CAMK2D: variants seen among roughly 807,000 people sequenced by gnomAD.
The protein encoded by CAMK2D is calcium/calmodulin dependent protein kinase II delta, also known as calcium/calmodulin-dependent protein kinase type II subunit delta.
A neutral mutation model predicts 84.0 loss-of-function variants in CAMK2D; 37 were observed. The observed-to-expected ratio is 0.44, with a 90% CI of 0.34 to 0.58. The LOEUF is 0.58. CAMK2D is among the 20% of genes least tolerant of loss of function. The pLI is 0.02. For missense variants in CAMK2D, 448 were observed against 652.5 expected (o/e 0.69, Z 3.41); for synonymous variants, 202 against 212.5 (o/e 0.95, Z 0.43).
chr4:113,596,452 A>C (rs769037091), intron 4 of CAMK2D, among the ~76,000 whole-genome samples: 3 of 152,210 alleles, frequency 2.0e-5, no homozygotes, highest in Non-Finnish European at 4.4e-5. Context: ...CTTTGCTCAG[A>C]TCAATCAGAG....
intron 4 of CAMK2D, among the ~76,000 whole-genome samples, chr4:113,578,368 C>T (rs189986229): frequency 6.6e-6 from 1 of 152,274 alleles, no homozygotes; most frequent in East Asian, 1.9e-4. Flanking sequence ...AGGATTGGGT[C>T]AACTCAGTTG....
intron 16 of CAMK2D, among the ~76,000 whole-genome samples, chr4:113,496,082 T>G (rs2154144918): frequency 6.6e-6 from 1 of 152,318 alleles, no homozygotes; most frequent in Middle Eastern, 3.4e-3. Context: ...AAACTGTGGC[T>G]ACAGCCACAA....
intron 2 of CAMK2D, chr4:113,754,871 T>C: frequency 1.0e-6 from 1 of 984,074 alleles, no homozygotes; most frequent in South Asian, 4.7e-5. Flanking sequence ...TGAAGAGTTG[T>C]GGAGATTCTA....
At chr4:113,721,177 A>T (rs568345082) in intron 2 of CAMK2D, among the ~76,000 whole-genome samples, 3 of 152,300 alleles carry the variant, frequency 2.0e-5, no homozygotes, top group Non-Finnish European at 4.4e-5. Context: ...CATCTGCGGT[A>T]GGCTGTGACA....
chr4:113,464,521 G>A (rs375801129), intron 17 of CAMK2D, among the ~76,000 whole-genome samples: 3 of 152,134 alleles, frequency 2.0e-5, no homozygotes, highest in Non-Finnish European at 2.9e-5. Context: ...TTCAATCTCC[G>A]TTTTGCATTT....
At chr4:113,474,805 C>T (rs2097585957) in intron 16 of CAMK2D, among the ~76,000 whole-genome samples, 1 of 152,008 alleles carries the variant, frequency 6.6e-6, no homozygotes, top group Admixed American at 6.6e-5. Flanking sequence ...TGCCACCACA[C>T]CCAGCTAATT....
At chr4:113,513,678 T>G in intron 11 of CAMK2D, 152 bp downstream of exon 11, 1 of 612,826 alleles carries the variant, frequency 1.6e-6, no homozygotes, top group East Asian at 2.8e-5. Flanking sequence ...GATTCTGGTG[T>G]ATATTCCATT....
At chr4:113,639,421 G>C (rs1040866130) in intron 3 of CAMK2D, among the ~76,000 whole-genome samples, 2 of 152,068 alleles carry the variant, frequency 1.3e-5, no homozygotes, top group Non-Finnish European at 2.9e-5. Flanking sequence ...GGCTTTTTGT[G>C]GGGGGAATAA....
chr4:113,594,492 A>C (rs1370307711), intron 4 of CAMK2D, among the ~76,000 whole-genome samples: 4 of 152,236 alleles, frequency 2.6e-5, no homozygotes, highest in African/African-American at 7.2e-5. Flanking sequence ...AAAACTGTGA[A>C]TCATATATGA....
intron 4 of CAMK2D, among the ~76,000 whole-genome samples, chr4:113,577,665 C>T (rs2098789858): frequency 6.6e-6 from 1 of 151,522 alleles, no homozygotes; most frequent in South Asian, 2.1e-4. Flanking sequence ...AATATGTGTC[C>T]TTAGTGAGTG....
chr4:113,592,245 G>A (rs1238871284), intron 4 of CAMK2D, among the ~76,000 whole-genome samples: 2 of 152,142 alleles, frequency 1.3e-5, no homozygotes, highest in African/African-American at 4.8e-5. Context: ...CAGGCTGGGA[G>A]ATGAAATGGA....
intron 2 of CAMK2D, among the ~76,000 whole-genome samples, chr4:113,722,560 A>G (rs890257753): frequency 1.3e-5 from 2 of 152,104 alleles, no homozygotes; most frequent in African/African-American, 4.8e-5. Context: ...TTAATACCGA[A>G]CCCTAGAATT....
intron 3 of CAMK2D, among the ~76,000 whole-genome samples, chr4:113,660,306 A>T (rs933901004): frequency 1.3e-4 from 20 of 152,182 alleles, no homozygotes; most frequent in Non-Finnish European, 2.4e-4. Flanking sequence ...CATTTTAAAA[A>T]TTTTGAAAAG....
chr4:113,521,704 G>T (rs1301505896), intron 8 of CAMK2D, among the ~76,000 whole-genome samples: 3 of 152,082 alleles, frequency 2.0e-5, no homozygotes, highest in Non-Finnish European at 4.4e-5. Flanking sequence ...ATATTTTGAT[G>T]TTACTAAGCA....
intron 5 of CAMK2D, chr4:113,548,679 C>T (rs1033990185): frequency 1.3e-6 from 2 of 1,572,172 alleles, no homozygotes; most frequent in Non-Finnish European, 1.8e-6. Context: ...GTGAACTATG[C>T]CATTTAGGTG....
chr4:113,580,182 C>T (rs1425061110), intron 4 of CAMK2D, among the ~76,000 whole-genome samples: 5 of 152,158 alleles, frequency 3.3e-5, no homozygotes, highest in African/African-American at 1.2e-4. Context: ...ACATACTTAA[C>T]CAATTAAAAA....
chr4:113,518,224 AAAC>A (rs1352094189), intron 8 of CAMK2D, among the ~76,000 whole-genome samples: 12 of 152,152 alleles, frequency 7.9e-5, no homozygotes, highest in Admixed American at 7.2e-4. Context: ...CTTCTCAGTC[AAAC>A]AACTAAACCA....
chr4:113,452,898 C>G lies in CAMK2D; in HGVS notation c.*1647G>C, dbSNP rs1027883669. ...AACCCATCTACCATACATCCACTAG[C>G]AATAATATCTAAGATGATTAGTAAT... is the stretch of plus-strand genomic sequence containing the variant. On this transcript the variant is annotated 3_prime_UTR_variant, in exon 21 of 21. Coordinates refer to ENST00000511664, the MANE Select transcript of CAMK2D (RefSeq NM_001321571.2). 2.0e-5 allele frequency: 3 copies of G among 152,428 alleles called. No individual in the cohort carries two copies. Among genetic ancestry groups the G allele is most frequent in the Non-Finnish European group, 4.4e-5 (3 of 67,998 alleles). The allele number at this position is 152,428 out of a possible 1,614,324, so 9.4% of individuals were successfully genotyped here. A position where few individuals can be genotyped will look rare whatever the true frequency, so the allele number is the denominator to read the frequency against.
rs1230352191 is a variant in CAMK2D at position 113,699,883 on chromosome 4, T to C, written c.161-38111A>G. Reference sequence around the variant, plus strand: ...TCTTTTAGAAAACTACTAGGTACTTTGATAATACAAATGTTCCTTAGGAAT... The same window carrying C: ...TCTTTTAGAAAACTACTAGGTACTTCGATAATACAAATGTTCCTTAGGAAT... On this transcript the variant is annotated intron_variant, in intron 2 of 20. Transcript: ENST00000511664. Among the ~76,000 whole-genome samples the C allele has an allele frequency of 2.6e-5, 4 of 152,324 alleles. No homozygotes were observed. The East Asian group carries it at 7.7e-4, about 29-fold the overall frequency.
Sources: gnomAD v4.1 joint callset for allele counts (sites outside exome capture counted in the v4.1 genomes callset) on GRCh38, gnomAD v4.1.1 for gene constraint, MANE v1.5 for transcripts, NCBI Gene and HGNC (gene_info 2026-07-23, HGNC 2026-07-21) for gene names.